Variants in TDRD9 observed in about 807,000 individuals in gnomAD.
TDRD9 encodes the protein ATP-dependent RNA helicase TDRD9.
TDRD9 carries 124 observed loss-of-function variants against 172.6 expected under a neutral mutation model. That is an observed-to-expected ratio of 0.72 (90% CI 0.62 to 0.83). The LOEUF is 0.83. Ranked by LOEUF, TDRD9 falls within the 40% of genes least tolerant of loss-of-function variation. TDRD9 has a pLI of 0.00. For missense variants in TDRD9, 1,479 were observed against 1,714.1 expected (o/e 0.86, Z 2.42); for synonymous variants, 619 against 617.1 (o/e 1.00, Z -0.05).
chr14:104,043,707 C>T (rs1410701655), intron 34 of TDRD9, among the ~76,000 whole-genome samples: 1 of 152,124 alleles, frequency 6.6e-6, no homozygotes, highest in Non-Finnish European at 1.5e-5. Context: ...CCTTATTATG[C>T]CATAGGTAGT....
chr14:104,024,477 A>G, intron 24 of TDRD9, 92 bp from the exon 25 acceptor site: 1 of 647,668 alleles, frequency 1.5e-6, no homozygotes, highest in Non-Finnish European at 2.6e-6. Context: ...TTGTAGAAAT[A>G]TTAGAATAGT....
chr14:104,014,890 C>A, intron 21 of TDRD9, 49 bp downstream of exon 21: 1 of 1,159,642 alleles, frequency 8.6e-7, no homozygotes, highest in Non-Finnish European at 1.3e-6. Context: ...TTTCTGCTTA[C>A]AAGGTCTTGT....
intron 5 of TDRD9, among the ~76,000 whole-genome samples, chr14:103,969,305 A>T (rs954934006): frequency 2.6e-5 from 4 of 151,748 alleles, no homozygotes; most frequent in African/African-American, 9.7e-5. Context: ...GGGATCCTGG[A>T]GCCAGTGGGT....
chr14:104,022,049 G>C (rs1370132538), intron 23 of TDRD9, 108 bp from the exon 24 acceptor site: 2 of 781,266 alleles, frequency 2.6e-6, no homozygotes, highest in Non-Finnish European at 4.2e-6. Flanking sequence ...AGAGTTACTG[G>C]CATTTTGAGG....
At chr14:103,981,072 A>G (rs960360100) in intron 7 of TDRD9, among the ~76,000 whole-genome samples, 2 of 152,168 alleles carry the variant, frequency 1.3e-5, no homozygotes, top group Non-Finnish European at 2.9e-5. Flanking sequence ...ATTTTATTAT[A>G]CTGGAACAGC....
At chr14:104,049,858 T>C in intron 35 of TDRD9, 178 bp downstream of exon 35, 1 of 583,264 alleles carries the variant, frequency 1.7e-6, no homozygotes, top group Non-Finnish European at 3.1e-6. Context: ...AGGCTGTTTC[T>C]GCACAGTGTC....
intron 1 of TDRD9, chr14:103,940,836 C>T: frequency 6.5e-7 from 1 of 1,535,222 alleles, no homozygotes; most frequent in Non-Finnish European, 8.7e-7. Context: ...ATGGTAGGTT[C>T]CATATTCTGT....
At chr14:104,037,285 A>G (rs889099707) in intron 32 of TDRD9, among the ~76,000 whole-genome samples, 1 of 152,096 alleles carries the variant, frequency 6.6e-6, no homozygotes, top group Non-Finnish European at 1.5e-5. Flanking sequence ...CCATGCGCCC[A>G]TGCCCGTTTG....
chr14:104,048,738 C>G (rs2035854034), intron 34 of TDRD9, among the ~76,000 whole-genome samples: 1 of 152,142 alleles, frequency 6.6e-6, no homozygotes, highest in Non-Finnish European at 1.5e-5. Context: ...TCCCTTTTAC[C>G]TCCTGAATAG....
At position 103,928,560 on chromosome 14, in the gene TDRD9, C is replaced by G; in HGVS notation, c.51C>G (p.Gly17=). The G allele has an allele frequency of 1.4e-6, 2 of 1,388,196 alleles. No homozygotes were observed. Among genetic ancestry groups the G allele is most frequent in the South Asian group, 1.5e-5 (1 of 67,684 alleles). 86.0% of individuals were successfully genotyped at this position (1,388,196 alleles called of 1,614,324 possible). A position where few individuals can be genotyped will look rare whatever the true frequency, so the allele number is the denominator to read the frequency against. ...AGATCAACGACTGGTTCACCATCGGCAAGACGGTGACCAATGTGGAGCTGC... is the reference window on the plus strand; with the variant it reads ...AGATCAACGACTGGTTCACCATCGGGAAGACGGTGACCAATGTGGAGCTGC... The part of the protein sequence containing the change: ...IEQINDWFTI[G]KTVTNVELLG... Residue 17 remains glycine (G), a synonymous_variant, in exon 1 of 36, where the codon GGC becomes GGG. Transcript: ENST00000409874.
rs1555362809 is a variant in TDRD9, at chr14:103,939,748, T to TTTTTTTTTTTTG, written c.215+11035_215+11036insGTTTTTTTTTTT. On this transcript the variant is annotated intron_variant, in intron 1 of 35. Transcript: ENST00000409874. ...TAGTCTTTTTGAAAAAAAGTGTTTT[T>TTTTTTTTTTTTG]TTTTTTTTTTTTTTTTGAGACAAGG... is the stretch of plus-strand genomic sequence containing the variant. 16 of 101,884 alleles carry TTTTTTTTTTTTG rather than the reference T, an allele frequency of 1.6e-4. 1 individual carries two copies. The highest frequency in any genetic ancestry group is 2.7e-4 in the Non-Finnish European group (13 of 47,928). The allele number at this position is 101,884 out of a possible 1,614,324, so 6.3% of individuals were successfully genotyped here. A position where few individuals can be genotyped will look rare whatever the true frequency, so the allele number is the denominator to read the frequency against.
chr14:104,049,554 G>C (rs1231953133), intron 34 of TDRD9, 54 bp from the exon 35 acceptor site: 16 of 1,384,824 alleles, frequency 1.2e-5, no homozygotes, highest in Non-Finnish European at 1.6e-5. Flanking sequence ...AATCACAGCA[G>C]TGTTTTCAGT....
chr14:103,939,751 T>TTTTTG (rs61711275), intron 1 of TDRD9: 31,085 of 80,010 alleles, frequency 0.39, 8,555 homozygotes, highest in Non-Finnish European at 0.45. Context: ...GTGTTTTTTT[T>TTTTTG]TTTTTTTTTT....
At chr14:104,009,995 G>A (rs1450639352) in intron 20 of TDRD9, among the ~76,000 whole-genome samples, 2 of 151,242 alleles carry the variant, frequency 1.3e-5, no homozygotes, top group Non-Finnish European at 2.9e-5. Flanking sequence ...ACCCAGGGTG[G>A]AGTGCAATGG....
chr14:103,979,343 T>G (rs1255586096), intron 7 of TDRD9, among the ~76,000 whole-genome samples: 2 of 152,220 alleles, frequency 1.3e-5, no homozygotes, highest in African/African-American at 2.4e-5. Context: ...AACACTGTTA[T>G]GAAGGAATAC....
chr14:103,959,369 A>G (rs961226717), intron 2 of TDRD9, among the ~76,000 whole-genome samples: 1 of 151,984 alleles, frequency 6.6e-6, no homozygotes, highest in African/African-American at 2.4e-5. Flanking sequence ...AATAGCTGGG[A>G]CTGTAAACAT....
intron 7 of TDRD9, among the ~76,000 whole-genome samples, chr14:103,977,630 CTT>C (rs766681794): frequency 6.6e-4 from 75 of 114,370 alleles, no homozygotes; most frequent in African/African-American, 1.8e-3. Context: ...TGATTTCTTT[CTT>C]TTTTTTTTTT....
Position 103,980,792 on chromosome 14 carries a change from A to C in TDRD9, c.1011+5239A>C, listed in dbSNP as rs2033442595. On this transcript the variant is annotated intron_variant, in intron 7 of 35. Transcript: ENST00000409874. This position sits in a 1 kb window ranked among gnomAD's most constrained non-coding sequence, Gnocchi z 4.5. ...TCCGCTTGGCAACGGGCGTCTTCCC[A>C]GATGCTGGCATTACTGCTAGACCAA... 6.6e-6 allele frequency among the ~76,000 whole-genome samples: 1 copy of C among 152,134 alleles called. No homozygotes were observed. Among genetic ancestry groups the C allele is most frequent in the African/African-American group, 2.4e-5 (1 of 41,432 alleles).
intron 7 of TDRD9, among the ~76,000 whole-genome samples, chr14:103,983,138 A>G (rs1484153390): frequency 7.4e-6 from 1 of 135,312 alleles, no homozygotes; most frequent in East Asian, 2.2e-4. Context: ...ATCTCAGCTC[A>G]TTGTAACCTC....
Sources: gnomAD v4.1 joint callset for allele counts (sites outside exome capture counted in the v4.1 genomes callset) on GRCh38, gnomAD v4.1.1 for gene constraint, Gnocchi (gnomAD v3.1) non-coding constraint, MANE v1.5 for transcripts, NCBI Gene and HGNC (gene_info 2026-07-23, HGNC 2026-07-21) for gene names.